GPM6B: variants seen among roughly 807,000 people sequenced by gnomAD.
GPM6B encodes the protein glycoprotein M6B.
GPM6B carries 4 observed loss-of-function variants against 27.2 expected under a neutral mutation model. That is an observed-to-expected ratio of 0.15 (90% CI 0.07 to 0.34). The LOEUF (loss-of-function observed/expected upper bound fraction) is 0.34, where lower values mean the gene tolerates loss of function less well. GPM6B is among the 10% of genes least tolerant of loss of function. The probability of loss-of-function intolerance (pLI) is 1.00; values close to 1 mark genes in which losing one functional copy is unlikely to be tolerated. For missense variants in GPM6B, 183 were observed against 261.9 expected (o/e 0.70, Z 2.08); for synonymous variants, 124 against 103.1 (o/e 1.20, Z -1.23).
chrX:13,885,634 G>T (rs1266918126), intron 1 of GPM6B, among the ~76,000 whole-genome samples: 1 of 111,493 alleles, frequency 9.0e-6, no homozygotes, highest in African/African-American at 3.3e-5. Context: ...GCAGGGAGGT[G>T]CCACCCGCTT....
At chrX:13,785,587 C>CTTAG (rs1428293664) in intron 3 of GPM6B, 35 bp downstream of exon 3, 2 of 1,183,709 alleles carry the variant, frequency 1.7e-6, no homozygotes, top group South Asian at 3.6e-5. Flanking sequence ...CACGCCAGGC[C>CTTAG]TTAGATGCAT....
At chrX:13,917,157 A>T (rs957714434) in intron 1 of GPM6B, among the ~76,000 whole-genome samples, 5 of 111,895 alleles carry the variant, frequency 4.5e-5, no homozygotes, top group African/African-American at 1.3e-4. Context: ...GGTTGCAATG[A>T]GCCATAATCA....
intron 1 of GPM6B, among the ~76,000 whole-genome samples, chrX:13,872,163 C>CTTT (rs72226692): frequency 2.3e-4 from 6 of 25,821 alleles, no homozygotes; most frequent in African/African-American, 8.2e-4. Context: ...TGTGACATCA[C>CTTT]TTTTTTTTTT....
In GPM6B at chrX:13,809,894, G is replaced by A. The variant is rs189872852; in HGVS notation, c.62-2125C>T. Among the ~76,000 whole-genome samples, 51 of 84,429 alleles carry A rather than the reference G, an allele frequency of 6.0e-4. 2 individuals are homozygous for A. Among genetic ancestry groups the A allele is most frequent in the African/African-American group, 2.1e-3 (43 of 20,607 alleles). 73.3% of individuals were successfully genotyped at this position (84,429 alleles called of 115,157 possible). On this transcript the variant is annotated intron_variant, in intron 1 of 7. Transcript: ENST00000316715. ...GGAGGTTGCAGTGAGTTGAGATCGC[G>A]CCACTGCATTCCAGCCTGGGCAAAA...
chrX:13,903,057 G>A (rs759112567), intron 1 of GPM6B, among the ~76,000 whole-genome samples: 3 of 112,196 alleles, frequency 2.7e-5, no homozygotes, highest in East Asian at 5.6e-4. Context: ...AGCTTCACTC[G>A]AGGAGGACCT....
At chrX:13,814,566 CTT>C (rs1006682390) in intron 1 of GPM6B, among the ~76,000 whole-genome samples, 7 of 110,882 alleles carry the variant, frequency 6.3e-5, no homozygotes, top group African/African-American at 2.4e-4. Context: ...TTTTAATAAA[CTT>C]AAAGTTAAAT....
chrX:13,925,873 T>C (rs1418213935), intron 1 of GPM6B, among the ~76,000 whole-genome samples: 1 of 106,990 alleles, frequency 9.3e-6, no homozygotes, highest in Non-Finnish European at 1.9e-5. Context: ...GCTAACATGG[T>C]GAAACCCCAT....
intron 2 of GPM6B, 67 bp from the exon 3 acceptor site, chrX:13,785,875 CA>C (rs2048604205): frequency 3.4e-6 from 3 of 886,324 alleles, no homozygotes; most frequent in Non-Finnish European, 4.8e-6. Context: ...AAGAATACCC[CA>C]TATTCACAGA....
intron 1 of GPM6B, among the ~76,000 whole-genome samples, chrX:13,835,269 C>T (rs2049482953): frequency 9.0e-6 from 1 of 111,603 alleles, no homozygotes; most frequent in Non-Finnish European, 1.9e-5. Context: ...TCATACAACC[C>T]ATGGAAGGAT....
chrX:13,887,837 C>T (rs944724714), intron 1 of GPM6B, among the ~76,000 whole-genome samples: 5 of 111,702 alleles, frequency 4.5e-5, no homozygotes, highest in Admixed American at 1.9e-4. Flanking sequence ...CAGTCGCTTG[C>T]AAAGCTCCTC....
At chrX:13,870,725 GAAGAA>G (rs1234645468) in intron 1 of GPM6B, among the ~76,000 whole-genome samples, 1 of 112,058 alleles carries the variant, frequency 8.9e-6, no homozygotes, top group Non-Finnish European at 1.9e-5. Flanking sequence ...ACATGTGTGT[GAAGAA>G]AAGTATAAAG....
chrX:13,785,678 C>T lies in GPM6B; in HGVS notation c.312G>A (p.Ala104=), dbSNP rs766786153. 6.6e-5 allele frequency: 80 copies of T among 1,210,122 alleles called. No homozygotes were observed. In the South Asian group the frequency reaches 1.2e-3, roughly 18 times the overall value. ...TGGTGGAGAAGTGTTGCTCAAGAAT[C>T]GCCACGGTGCCTGCGAGAGCCACAT... ...CGHVALAGTV[A]ILEQHFSTNA... Residue 104 remains alanine (A), a synonymous_variant, in exon 3 of 8, where the codon GCG becomes GCA. Transcript: ENST00000316715.
chrX:13,861,095 CACAT>C (rs1185465608), intron 1 of GPM6B, among the ~76,000 whole-genome samples: 5 of 106,816 alleles, frequency 4.7e-5, no homozygotes, highest in Non-Finnish European at 5.7e-5. Flanking sequence ...CACATATATA[CACAT>C]ACATATACAC....
At chrX:13,823,370 C>T (rs2049333160) in intron 1 of GPM6B, among the ~76,000 whole-genome samples, 1 of 112,352 alleles carries the variant, frequency 8.9e-6, no homozygotes, top group Non-Finnish European at 1.9e-5. Flanking sequence ...CCAGTCTCTT[C>T]TCAACTTAAT....
At chrX:13,774,749 A>G in intron 7 of GPM6B, 2 of 487,716 alleles carry the variant, frequency 4.1e-6, no homozygotes, top group South Asian at 3.1e-5. Flanking sequence ...CCCACTTAAA[A>G]TCACAACAGA....
chrX:13,901,720 GA>G lies in GPM6B; in HGVS notation c.-198+36606del, dbSNP rs780064570. ...TGTACCTGAAGGATGCAGATCATAA[GA>G]ACCTGGCTGTGAACTTGGTGAAACT... On this transcript the variant is annotated intron_variant, in intron 1 of 6. Transcript: ENST00000398361. 8.8e-4 allele frequency among the ~76,000 whole-genome samples: 98 copies of G among 111,380 alleles called. 1 individual carries two copies. The South Asian group carries it at 0.036, about 40-fold the overall frequency.
intron 2 of GPM6B, among the ~76,000 whole-genome samples, chrX:13,793,553 C>T (rs2048754377): frequency 8.9e-6 from 1 of 112,244 alleles, no homozygotes; most frequent in African/African-American, 3.2e-5. Flanking sequence ...GGTTACAATA[C>T]ATAATTCTGG....
chrX:13,848,305 A>C (rs1335800758), intron 1 of GPM6B, among the ~76,000 whole-genome samples: 1 of 111,785 alleles, frequency 8.9e-6, no homozygotes, highest in Non-Finnish European at 1.9e-5. Flanking sequence ...CCCTCTGCTC[A>C]GTCCTGCTTC....
intron 3 of GPM6B, 75 bp from the exon 4 acceptor site, chrX:13,783,596 G>T: frequency 1.2e-6 from 1 of 839,289 alleles, no homozygotes; most frequent in Non-Finnish European, 1.7e-6. Context: ...ACGCTGGAGA[G>T]AGGACATGAG....
Sources: gnomAD v4.1 joint callset for allele counts (sites outside exome capture counted in the v4.1 genomes callset) on GRCh38, gnomAD v4.1.1 for gene constraint, MANE v1.5 for transcripts, NCBI Gene and HGNC (gene_info 2026-07-23, HGNC 2026-07-21) for gene names.